Variants in CSMD2 observed in about 807,000 individuals in gnomAD.
CSMD2 encodes the protein CUB and Sushi multiple domains 2, also known as CUB and sushi domain-containing protein 2.
Under a neutral mutation model 398.5 loss-of-function variants are expected in CSMD2, and 130 were observed. The ratio of observed to expected loss-of-function variants is 0.33; its 90% CI spans 0.28 to 0.38. The LOEUF is 0.38. Ranked by LOEUF, CSMD2 falls within the 10% of genes least tolerant of loss-of-function variation. CSMD2 has a pLI of 1.00. For missense variants in CSMD2, 3,829 were observed against 4,764.9 expected, an observed-to-expected ratio of 0.80 and a Z score of 5.78; for synonymous variants, 1,828 against 1,908.5, an observed-to-expected ratio of 0.96 and a Z score of 1.10.
In CSMD2 at chr1:33,646,889, T is replaced by C. The variant is rs992594278; in HGVS notation, c.4587-54A>G. 26 of 1,540,444 alleles carry C rather than the reference T, an allele frequency of 1.7e-5. No individual in the cohort carries two copies. In the African/African-American group the frequency reaches 2.6e-4, roughly 15 times the overall value. ...CCCACTAAGGTCAAATAAAGGCTTT[T>C]GCCGGGGTCTTAGGCTCAACCAAAG... On this transcript the variant is annotated intron_variant, in intron 28 of 70. Coordinates refer to ENST00000373381, the MANE Select transcript of CSMD2 (RefSeq NM_001281956.2).
At position 34,056,362 on chromosome 1, in the gene CSMD2, T is replaced by C. The variant is rs1288569892; in HGVS notation, c.405-23656A>G. On this transcript the variant is annotated intron_variant, in intron 2 of 70. Transcript: ENST00000373381. ...CTGAGTTCTCCAAGGTCAGGGCCTA[T>C]GTCTGCTTCATCTCTGGATCCCAAT... 2.0e-5 allele frequency among the ~76,000 whole-genome samples: 3 copies of C among 152,210 alleles called. No homozygotes were observed. The East Asian group carries it at 5.8e-4, about 29-fold the overall frequency.
intron 1 of CSMD2, among the ~76,000 whole-genome samples, chr1:34,158,328 C>T (rs1271428956): frequency 6.6e-6 from 1 of 152,156 alleles, no homozygotes; most frequent in Non-Finnish European, 1.5e-5. Flanking sequence ...AGGTTCACCC[C>T]GATGTTCCCC....
chr1:33,864,142 G>A (rs2125123008), intron 5 of CSMD2: 2 of 1,512,516 alleles, frequency 1.3e-6, no homozygotes, highest in East Asian at 4.5e-5. Context: ...GGGAACAACA[G>A]TCTCTCCTGT....
At chr1:33,581,053 C>T (rs1417267144) in intron 47 of CSMD2, among the ~76,000 whole-genome samples, 154 bp from the exon 48 acceptor site, 1 of 152,112 alleles carries the variant, frequency 6.6e-6, no homozygotes, top group Non-Finnish European at 1.5e-5. Context: ...AGGCATTGCT[C>T]AAGGTGCTCT....
intron 3 of CSMD2, among the ~76,000 whole-genome samples, chr1:34,025,590 G>A (rs752192825): frequency 2.6e-5 from 4 of 152,154 alleles, no homozygotes; most frequent in Non-Finnish European, 5.9e-5. Flanking sequence ...GTACATGCAT[G>A]TATGTGTGTG....
At chr1:33,765,512 T>C (rs1171429567) in intron 13 of CSMD2, among the ~76,000 whole-genome samples, 4 of 152,210 alleles carry the variant, frequency 2.6e-5, no homozygotes, top group South Asian at 4.1e-4. Context: ...GAAAACTGCA[T>C]AATAGTTTGG....
At position 33,954,791 on chromosome 1, in the gene CSMD2, T is replaced by A. The variant is rs72894837; in HGVS notation, c.518-18837A>T. Among the ~76,000 whole-genome samples, 1,260 of 152,128 alleles carry A rather than the reference T, an allele frequency of 8.3e-3. 15 individuals carry two copies. The highest frequency in any genetic ancestry group is 0.028 in the African/African-American group (1,159 of 41,488). ...ATTGAGAAAGAAAGCAGAATAGAGG[T>A]TACCAGGGGCTGGGGGAGAGGGAAA... On this transcript the variant is annotated intron_variant, in intron 3 of 70. Coordinates refer to ENST00000373381, the MANE Select transcript of CSMD2 (RefSeq NM_001281956.2).
chr1:33,744,252 G>C (rs1254538927), intron 13 of CSMD2, among the ~76,000 whole-genome samples: 2 of 152,202 alleles, frequency 1.3e-5, no homozygotes, highest in Non-Finnish European at 1.5e-5. Context: ...TCCCCAGGCG[G>C]TAACCGGGTG....
chr1:33,657,830 T>C, intron 27 of CSMD2, 116 bp downstream of exon 27: 1 of 1,016,246 alleles, frequency 9.8e-7, no homozygotes, highest in Non-Finnish European at 1.5e-6. Context: ...CTGCAACTTT[T>C]GTCTGTTTCA....
chr1:33,722,888 C>T (rs1646403926), intron 19 of CSMD2, among the ~76,000 whole-genome samples: 1 of 152,060 alleles, frequency 6.6e-6, no homozygotes, highest in African/African-American at 2.4e-5. Flanking sequence ...TGATTAAATG[C>T]TTGAGAATGC....
At chr1:34,027,253 C>T (rs1209632077) in intron 3 of CSMD2, among the ~76,000 whole-genome samples, 1 of 152,176 alleles carries the variant, frequency 6.6e-6, no homozygotes, top group Non-Finnish European at 1.5e-5. Context: ...ATTATCAGTA[C>T]ATGGCCAGTA....
chr1:34,087,707 T>C (rs188257098), intron 2 of CSMD2, among the ~76,000 whole-genome samples: 3 of 152,046 alleles, frequency 2.0e-5, no homozygotes, highest in South Asian at 2.1e-4. Flanking sequence ...TTTGTCTTCA[T>C]AGGACCAGAC....
chr1:33,897,287 A>C (rs1642454512), intron 5 of CSMD2, among the ~76,000 whole-genome samples: 1 of 152,184 alleles, frequency 6.6e-6, no homozygotes, highest in Non-Finnish European at 1.5e-5. Context: ...GGTGGCCAGC[A>C]AACATTGAAG....
intron 13 of CSMD2, among the ~76,000 whole-genome samples, chr1:33,753,673 T>TA (rs1648579313): frequency 6.6e-6 from 1 of 152,140 alleles, no homozygotes; most frequent in Non-Finnish European, 1.5e-5. Flanking sequence ...AAGCAACAGG[T>TA]GTTCAAGTCC....
chr1:33,667,677 C>T (rs965150876), intron 25 of CSMD2, among the ~76,000 whole-genome samples: 2 of 152,140 alleles, frequency 1.3e-5, no homozygotes, highest in African/African-American at 4.8e-5. Context: ...TGATTGCATT[C>T]GGCTTAGCTG....
chr1:34,089,114 G>A lies in CSMD2; in HGVS notation c.267C>T (p.Tyr89=), dbSNP rs370850896. 127 of 1,614,134 alleles carry A rather than the reference G, an allele frequency of 7.9e-5. 1 individual carries two copies. The Middle Eastern group carries it at 2.5e-3, about 31-fold the overall frequency. ...CGGTGATGGTCCACGTGCAGTTGGC[G>A]TAATTGGGGTAGCCATATGGGAACC... ...SPGFPYGYPN[Y]ANCTWTITAE... The change falls in exon 2 of 71, where the codon TAC becomes TAT. Residue 89 remains tyrosine (Y), a synonymous_variant. Transcript: ENST00000373381.
At chr1:33,943,014 C>T (rs1644727141) in intron 3 of CSMD2, among the ~76,000 whole-genome samples, 1 of 152,120 alleles carries the variant, frequency 6.6e-6, no homozygotes, top group Non-Finnish European at 1.5e-5. Flanking sequence ...ATGCTGGAGC[C>T]AGCATTCTAG....
chr1:33,937,333 C>A (rs1404299644), intron 3 of CSMD2, among the ~76,000 whole-genome samples: 1 of 152,086 alleles, frequency 6.6e-6, no homozygotes, highest in African/African-American at 2.4e-5. Flanking sequence ...CTCTGCAGAA[C>A]CCTGGGAGAT....
intron 25 of CSMD2, among the ~76,000 whole-genome samples, chr1:33,667,343 C>T (rs1242263411): frequency 6.6e-6 from 1 of 152,178 alleles, no homozygotes; most frequent in East Asian, 1.9e-4. Context: ...GGCACTTTCA[C>T]ATTAGCCCAT....
Sources: gnomAD v4.1 joint callset for allele counts (sites outside exome capture counted in the v4.1 genomes callset) on GRCh38, gnomAD v4.1.1 for gene constraint, MANE v1.5 for transcripts, NCBI Gene and HGNC (gene_info 2026-07-23, HGNC 2026-07-21) for gene names.